Variants in TMEM117 observed in about 807,000 individuals in gnomAD.
TMEM117 encodes the protein transmembrane protein 117.
Under a neutral mutation model 52.4 loss-of-function variants are expected in TMEM117, and 27 were observed. The observed-to-expected ratio is 0.51, with a 90% confidence interval of 0.38 to 0.71. TMEM117 has a LOEUF of 0.71. Ranked by LOEUF, TMEM117 falls within the 30% of genes least tolerant of loss-of-function variation. The pLI is 0.00. For synonymous variants in TMEM117, 215 were observed against 206.3 expected, an observed-to-expected ratio of 1.04 and a Z score of -0.36; for missense variants, 556 against 630.5, an observed-to-expected ratio of 0.88 and a Z score of 1.26.
intron 3 of TMEM117, among the ~76,000 whole-genome samples, chr12:44,049,698 C>A (rs1036728394): frequency 5.3e-5 from 8 of 152,142 alleles, no homozygotes; most frequent in South Asian, 2.1e-4. Context: ...ATTACAAAAT[C>A]TTTTATCTAA....
At chr12:44,205,696 A>G (rs1013073145) in intron 4 of TMEM117, among the ~76,000 whole-genome samples, 3 of 152,228 alleles carry the variant, frequency 2.0e-5, no homozygotes, top group African/African-American at 7.2e-5. Context: ...GAGAAATGCA[A>G]ATCAAACCAC....
At chr12:44,183,012 T>G (rs760470075) in intron 4 of TMEM117, among the ~76,000 whole-genome samples, 18 of 152,308 alleles carry the variant, frequency 1.2e-4, no homozygotes, top group Middle Eastern at 3.4e-3. Flanking sequence ...TATAATCATT[T>G]ATAAGCAGCA....
intron 3 of TMEM117, among the ~76,000 whole-genome samples, chr12:44,095,951 T>A (rs943703961): frequency 2.0e-5 from 3 of 152,166 alleles, no homozygotes; most frequent in Non-Finnish European, 4.4e-5. Flanking sequence ...ACGACATGAT[T>A]GTATATCTAG....
At chr12:44,295,545 C>G (rs1950757272) in intron 5 of TMEM117, among the ~76,000 whole-genome samples, 1 of 151,988 alleles carries the variant, frequency 6.6e-6, no homozygotes. Flanking sequence ...ATTGTCATTC[C>G]TCTAACTGGC....
At chr12:43,808,768 C>A in the TMEM117 span, among the ~76,000 whole-genome samples, 3 of 148,732 alleles carry the variant, frequency 2.0e-5, no homozygotes, top group Admixed American at 2.0e-4. Flanking sequence ...CATGATCACC[C>A]CACTACACTC....
chr12:44,332,973 G>C (rs1295669628), intron 6 of TMEM117, among the ~76,000 whole-genome samples: 1 of 151,920 alleles, frequency 6.6e-6, no homozygotes, highest in Non-Finnish European at 1.5e-5. Flanking sequence ...CTGACATTAA[G>C]AGATTTTAAA....
intron 6 of TMEM117, among the ~76,000 whole-genome samples, chr12:44,302,665 G>T (rs1434521562): frequency 6.6e-6 from 1 of 152,184 alleles, no homozygotes; most frequent in African/African-American, 2.4e-5. Flanking sequence ...AGTAATAACT[G>T]CTTGATGAGG....
chr12:44,360,566 CAAA>C (rs546423318), intron 6 of TMEM117, among the ~76,000 whole-genome samples: 1 of 87,942 alleles, frequency 1.1e-5, no homozygotes, highest in Non-Finnish European at 2.4e-5. Flanking sequence ...GACTCTGTCT[CAAA>C]AAAAAAAAAA....
chr12:44,061,983 G>A (rs1234738340), intron 3 of TMEM117, among the ~76,000 whole-genome samples: 1 of 152,102 alleles, frequency 6.6e-6, no homozygotes, highest in Non-Finnish European at 1.5e-5. Flanking sequence ...TGAATTGGTG[G>A]TTAAGCCTAT....
At chr12:44,332,586 A>G (rs995416067) in intron 6 of TMEM117, among the ~76,000 whole-genome samples, 3 of 152,074 alleles carry the variant, frequency 2.0e-5, no homozygotes, top group African/African-American at 7.2e-5. Flanking sequence ...TATCAATTCT[A>G]GAATTTCATA....
At chr12:44,397,995 A>C in the TMEM117 span, among the ~76,000 whole-genome samples, 3 of 151,918 alleles carry the variant, frequency 2.0e-5, no homozygotes, top group Non-Finnish European at 4.4e-5. Flanking sequence ...AGTGAGTGTA[A>C]GCTGTTTTTC....
At chr12:43,959,176 G>A (rs965782989) in intron 3 of TMEM117, among the ~76,000 whole-genome samples, 35 of 152,150 alleles carry the variant, frequency 2.3e-4, no homozygotes, top group African/African-American at 8.2e-4. Context: ...AAATAAATGA[G>A]GGAGAGACTG....
intron 3 of TMEM117, among the ~76,000 whole-genome samples, chr12:44,121,004 G>A (rs1156769384): frequency 6.6e-6 from 1 of 152,240 alleles, no homozygotes; most frequent in East Asian, 1.9e-4. Flanking sequence ...CCATGTGGCT[G>A]GAGAGGCCCC....
the TMEM117 span, chr12:43,798,621 T>TAAA: frequency 9.2e-5 from 123 of 1,335,376 alleles, no homozygotes; most frequent in Admixed American, 2.6e-4. Context: ...ATCAAACTCG[T>TAAA]AAAAAAAAAA....
At chr12:44,115,056 T>G (rs1948115424) in intron 3 of TMEM117, among the ~76,000 whole-genome samples, 1 of 152,212 alleles carries the variant, frequency 6.6e-6, no homozygotes, top group African/African-American at 2.4e-5. Flanking sequence ...CATGAACTAT[T>G]TCAGGATTGG....
intron 3 of TMEM117, among the ~76,000 whole-genome samples, chr12:44,060,132 G>T (rs1947116478): frequency 6.6e-6 from 1 of 152,212 alleles, no homozygotes; most frequent in South Asian, 2.1e-4. Context: ...GGACTATTGG[G>T]AAGATTAGTG....
intron 3 of TMEM117, among the ~76,000 whole-genome samples, chr12:44,132,202 T>TG (rs1000187801): frequency 1.1e-4 from 17 of 151,366 alleles, no homozygotes; most frequent in African/African-American, 3.9e-4. Flanking sequence ...TTTTTTTTTT[T>TG]TTAGATGAAA....
chr12:44,196,245 A>C (rs1949418758), intron 4 of TMEM117, among the ~76,000 whole-genome samples: 1 of 152,200 alleles, frequency 6.6e-6, no homozygotes, highest in Non-Finnish European at 1.5e-5. Flanking sequence ...TCAGTCAAAA[A>C]TATATTAGGA....
chr12:44,095,689 T>C (rs1462119006), intron 3 of TMEM117, among the ~76,000 whole-genome samples: 1 of 152,020 alleles, frequency 6.6e-6, no homozygotes, highest in Non-Finnish European at 1.5e-5. Context: ...AGGTATTCAT[T>C]TTCATGACTC....
Sources: gnomAD v4.1 joint callset for allele counts (sites outside exome capture counted in the v4.1 genomes callset) on GRCh38, gnomAD v4.1.1 for gene constraint, MANE v1.5 for transcripts, NCBI Gene and HGNC (gene_info 2026-07-23, HGNC 2026-07-21) for gene names.